ZNF680: variants seen among roughly 807,000 people sequenced by gnomAD.
ZNF680 encodes the protein hypothetical protein FLJ90430.
Under a neutral mutation model 12.1 loss-of-function variants are expected in ZNF680, and 6 were observed. The observed-to-expected ratio is 0.49, with a 90% CI of 0.27 to 0.98. The LOEUF is 0.98. Ranked by LOEUF, ZNF680 falls within the 50% of genes least tolerant of loss-of-function variation. The pLI is 0.12. For missense variants in ZNF680, 561 were observed against 616.3 expected, an observed-to-expected ratio of 0.91 and a Z score of 0.95; for synonymous variants, 170 against 199.3, an observed-to-expected ratio of 0.85 and a Z score of 1.24.
rs190725513 is a variant in ZNF680 at position 64,530,795 on chromosome 7, T to C, written c.254-8295A>G. On this transcript the variant is annotated intron_variant, in intron 3 of 3. Transcript: ENST00000309683. The stretch of plus-strand genomic sequence containing the variant: ...ACTGCTTGAACCCAGGAGGCGGAGG[T>C]TGCAGTGAGCCAAGATTGTGCCACT... Among the ~76,000 whole-genome samples the C allele has an allele frequency of 3.3e-5, 5 of 151,470 alleles. No homozygotes were observed. In the East Asian group the frequency reaches 9.8e-4, roughly 30 times the overall value.
At chr7:64,557,552 C>G (rs2116559578) in intron 1 of ZNF680, among the ~76,000 whole-genome samples, 1 of 137,286 alleles carries the variant, frequency 7.3e-6, no homozygotes, top group East Asian at 2.0e-4. Context: ...AAGGGTCCGT[C>G]TCAAAAAAAC....
At chr7:64,528,311 C>T (rs564832480) in intron 3 of ZNF680, among the ~76,000 whole-genome samples, 3 of 152,152 alleles carry the variant, frequency 2.0e-5, no homozygotes, top group African/African-American at 7.2e-5. Flanking sequence ...GGCCAGAACT[C>T]GGCAAAGGGC....
chr7:64,513,117 A>G, the ZNF680 span, among the ~76,000 whole-genome samples: 1 of 152,202 alleles, frequency 6.6e-6, no homozygotes, highest in African/African-American at 2.4e-5. Context: ...AAAAAAAGTC[A>G]AAATTCATCT....
chr7:64,557,147 A>G (rs1403187279), intron 1 of ZNF680, among the ~76,000 whole-genome samples: 1 of 151,912 alleles, frequency 6.6e-6, no homozygotes, highest in African/African-American at 2.4e-5. Context: ...GCTACTCCGG[A>G]GGCTGAGGCA....
In ZNF680 at chr7:64,521,081, A is replaced by C; in HGVS notation, c.*80T>G. The C allele has an allele frequency of 1.4e-6, 2 of 1,404,270 alleles. No homozygotes were observed. The highest frequency in any genetic ancestry group is 1.9e-6 in the Non-Finnish European group (2 of 1,035,098). The allele number at this position is 1,404,270 out of a possible 1,614,324, so 87.0% of individuals were successfully genotyped here. A position where few individuals can be genotyped will look rare whatever the true frequency, so the allele number is the denominator to read the frequency against. On this transcript the variant is annotated 3_prime_UTR_variant, in exon 4 of 4. Transcript: ENST00000309683. ...TATCTTACCTACAAGCAAGTGTAAC[A>C]ATCATTGGAAGGCTTTGTCAAATTC...
At chr7:64,539,803 A>G (rs1352174891) in intron 3 of ZNF680, among the ~76,000 whole-genome samples, 1 of 152,108 alleles carries the variant, frequency 6.6e-6, no homozygotes, top group East Asian at 1.9e-4. Flanking sequence ...GCACACCACC[A>G]TGCCTGTCTT....
intron 1 of ZNF680, among the ~76,000 whole-genome samples, chr7:64,552,878 C>A (rs988097058): frequency 6.6e-6 from 1 of 152,150 alleles, no homozygotes; most frequent in Non-Finnish European, 1.5e-5. Context: ...GTAATCCCAG[C>A]ACTTTGGGAG....
At chr7:64,534,395 A>G (rs1160442052) in intron 3 of ZNF680, among the ~76,000 whole-genome samples, 1 of 152,244 alleles carries the variant, frequency 6.6e-6, no homozygotes, top group Non-Finnish European at 1.5e-5. Context: ...CAAATGGCCA[A>G]CAAAAATATG....
At chr7:64,560,667 C>A (rs1787684001) in intron 1 of ZNF680, among the ~76,000 whole-genome samples, 1 of 152,068 alleles carries the variant, frequency 6.6e-6, no homozygotes, top group South Asian at 2.1e-4. Flanking sequence ...CAAAAATTAG[C>A]TGAGTGTGGT....
At chr7:64,504,923 G>C in the ZNF680 span, among the ~76,000 whole-genome samples, 1 of 152,194 alleles carries the variant, frequency 6.6e-6, no homozygotes, top group African/African-American at 2.4e-5. Flanking sequence ...TAAATTGAGA[G>C]ACTAGATTTG....
Position 64,538,537 on chromosome 7 carries a change from G to A in ZNF680, c.253+5170C>T, listed in dbSNP as rs531919922. 4.8e-4 allele frequency among the ~76,000 whole-genome samples: 73 copies of A among 152,212 alleles called. 1 individual carries two copies. The highest frequency in any genetic ancestry group is 1.7e-3 in the African/African-American group (69 of 41,556). ...ACAAAATACTAATTTGTAGACAAAT[G>A]CATGAAAATCACAATGAAAAACAGA... is the stretch of plus-strand genomic sequence containing the variant. On this transcript the variant is annotated intron_variant, in intron 3 of 3. Transcript: ENST00000309683.
chr7:64,537,799 G>A (rs192616832), intron 3 of ZNF680, among the ~76,000 whole-genome samples: 519 of 152,064 alleles, frequency 3.4e-3, no homozygotes, highest in Non-Finnish European at 5.9e-3. Context: ...GCGTGGTGGC[G>A]GGCGCCTGTA....
Position 64,523,879 on chromosome 7 carries a change from C to T in ZNF680, c.254-1379G>A, listed in dbSNP as rs933197120. On this transcript the variant is annotated intron_variant, in intron 3 of 3. Transcript: ENST00000309683. ...AGTGAGCTGAGATCGCGCCACTGCA[C>T]TCCAGCCTGGGCGACAGAGCGAGAC... is the stretch of plus-strand genomic sequence containing the variant. 5.3e-5 allele frequency among the ~76,000 whole-genome samples: 8 copies of T among 151,108 alleles called. No individual in the cohort carries two copies. In the East Asian group the frequency reaches 1.6e-3, roughly 30 times the overall value.
the ZNF680 span, among the ~76,000 whole-genome samples, chr7:64,499,803 T>G: frequency 6.6e-6 from 1 of 152,002 alleles, no homozygotes; most frequent in African/African-American, 2.4e-5. Flanking sequence ...GGAAGGAAAG[T>G]CTCTTGAGTA....
At chr7:64,546,042 T>C (rs1179407514) in intron 1 of ZNF680, among the ~76,000 whole-genome samples, 1 of 152,194 alleles carries the variant, frequency 6.6e-6, no homozygotes, top group Non-Finnish European at 1.5e-5. Flanking sequence ...AGGAAAAATA[T>C]TTTTCTGAGA....
chr7:64,528,124 G>T (rs1785654738), intron 3 of ZNF680, among the ~76,000 whole-genome samples: 1 of 151,246 alleles, frequency 6.6e-6, no homozygotes, highest in African/African-American at 2.4e-5. Context: ...AATATGGGGG[G>T]TGGAAGAAGC....
At chr7:64,557,348 A>G (rs1787473484) in intron 1 of ZNF680, among the ~76,000 whole-genome samples, 1 of 150,400 alleles carries the variant, frequency 6.6e-6, no homozygotes, top group Non-Finnish European at 1.5e-5. Context: ...CAAGGTCAGG[A>G]ATTCGAGACC....
At chr7:64,508,043 TTC>T in the ZNF680 span, among the ~76,000 whole-genome samples, 2 of 149,544 alleles carry the variant, frequency 1.3e-5, no homozygotes, top group Non-Finnish European at 3.0e-5. Flanking sequence ...TTGAGTAAAA[TTC>T]TCTCTAAATG....
the ZNF680 span, among the ~76,000 whole-genome samples, chr7:64,509,081 T>C: frequency 2.6e-5 from 4 of 152,176 alleles, no homozygotes; most frequent in African/African-American, 9.7e-5. Context: ...TTCAGCATTG[T>C]CCAATGAGTT....
Sources: allele counts gnomAD v4.1 joint callset (sites outside exome capture counted in the v4.1 genomes callset), GRCh38; gene constraint gnomAD v4.1.1; transcripts MANE v1.5; gene names NCBI Gene and HGNC (gene_info 2026-07-23, HGNC 2026-07-21).